Variants in CR1 observed in about 807,000 individuals in gnomAD.
CR1 encodes complement C3b/C4b receptor 1 (Knops blood group).
A neutral mutation model predicts 187.3 loss-of-function variants in CR1; 116 were observed. The observed-to-expected ratio is 0.62, with a 90% confidence interval of 0.53 to 0.72. CR1 has a LOEUF of 0.72. Ranked by LOEUF, CR1 falls within the 30% of genes least tolerant of loss-of-function variation. CR1 has a pLI of 0.00. For missense variants in CR1, 1,731 were observed against 2,110.7 expected, an observed-to-expected ratio of 0.82 and a Z score of 3.52; for synonymous variants, 576 against 747.1, an observed-to-expected ratio of 0.77 and a Z score of 3.73.
chr1:207,628,819 GTATC>G (rs1662560061), intron 45 of CR1, among the ~76,000 whole-genome samples: 1 of 152,026 alleles, frequency 6.6e-6, no homozygotes, highest in Non-Finnish European at 1.5e-5. Context: ...TATTGAACCA[GTATC>G]TTTCTAGAGA....
intron 29 of CR1, among the ~76,000 whole-genome samples, chr1:207,578,990 T>G (rs1471387251): frequency 6.6e-6 from 1 of 152,250 alleles, no homozygotes; most frequent in Non-Finnish European, 1.5e-5. Context: ...TCCTACATTT[T>G]ATCCCTAGGA....
intron 46 of CR1, among the ~76,000 whole-genome samples, chr1:207,638,727 A>G (rs1286414720): frequency 6.6e-6 from 1 of 152,176 alleles, no homozygotes; most frequent in Non-Finnish European, 1.5e-5. Context: ...AACCAATTGA[A>G]TTTCGCCATT....
In CR1 at chr1:207,496,293, C is replaced by A; in HGVS notation, c.26C>A (p.Pro9Gln). The A allele has an allele frequency of 1.9e-6, 3 of 1,613,768 alleles. No homozygotes were observed. The South Asian group carries it at 3.3e-5, about 18-fold the overall frequency. Residue 9 changes from proline to glutamine, a missense_variant, in exon 1 of 47, where the codon CCG becomes CAG. This residue lies in a region of CR1 where 237 missense variants were observed against 240.4 expected (regional missense o/e 0.99). Coordinates refer to ENST00000367049, the MANE Select transcript of CR1 (RefSeq NM_000651.6). MGASSPRS[P>Q]EPVGPPAPGL... ...ATGGGGGCCTCTTCTCCAAGAAGCC[C>A]GGAGCCTGTCGGGCCGCCGGCGCCC...
chr1:207,640,326 G>C lies in CR1; in HGVS notation c.*917G>C, dbSNP rs529973643. 1 of 152,118 alleles carries C rather than the reference G, an allele frequency of 6.6e-6. No individual in the cohort carries two copies. The highest frequency in any genetic ancestry group is 2.4e-5 in the African/African-American group (1 of 41,408). 9.4% of individuals were successfully genotyped at this position (152,118 alleles called of 1,614,324 possible). On this transcript the variant is annotated 3_prime_UTR_variant, in exon 47 of 47. Transcript: ENST00000367049. ...ATTTTTTTGTATTTTTAGTAGAGAC[G>C]GGGTTTCACCATGTTAGCCAGGATG...
intron 4 of CR1, among the ~76,000 whole-genome samples, chr1:207,515,891 T>C (rs1019450743): frequency 6.6e-6 from 1 of 152,144 alleles, no homozygotes; most frequent in African/African-American, 2.4e-5. Flanking sequence ...AGGAGTCTTC[T>C]TTTTTCCAGT....
At chr1:207,630,913 T>A (rs1662625948) in intron 46 of CR1, among the ~76,000 whole-genome samples, 1 of 152,222 alleles carries the variant, frequency 6.6e-6, no homozygotes, top group South Asian at 2.1e-4. Context: ...TGCTTTTTTC[T>A]TGTGGAACCC....
At chr1:207,617,610 TATAGAGAGAG>T (rs1336488892) in intron 41 of CR1, among the ~76,000 whole-genome samples, 25 of 9,328 alleles carry the variant, frequency 2.7e-3, no homozygotes, top group East Asian at 6.9e-3. Context: ...TATATATATA[TATAGAGAGAG>T]AGAGAGAGAG....
At chr1:207,637,478 G>A (rs1207432317) in intron 46 of CR1, among the ~76,000 whole-genome samples, 1 of 152,244 alleles carries the variant, frequency 6.6e-6, no homozygotes, top group Admixed American at 6.5e-5. Context: ...AATGATCTTT[G>A]ATAAGAAAAG....
intron 35 of CR1, among the ~76,000 whole-genome samples, chr1:207,605,692 C>T (rs186712416): frequency 1.2e-4 from 19 of 152,302 alleles, no homozygotes; most frequent in African/African-American, 4.3e-4. Flanking sequence ...AGGAGACAGG[C>T]AGAGGAAAAC....
chr1:207,632,627 T>TACAC (rs772489369), intron 46 of CR1, among the ~76,000 whole-genome samples: 10 of 150,370 alleles, frequency 6.7e-5, no homozygotes, highest in Admixed American at 2.0e-4. Flanking sequence ...CTCTACTAAA[T>TACAC]ACACACACAC....
In CR1 at chr1:207,577,921, A is replaced by G; in HGVS notation, c.4654A>G (p.Arg1552Gly). 1 of 1,612,616 alleles carries G rather than the reference A, an allele frequency of 6.2e-7. No homozygotes were observed. Among genetic ancestry groups the G allele is most frequent in the Non-Finnish European group, 8.5e-7 (1 of 1,179,762 alleles). The stretch of plus-strand genomic sequence containing the variant: ...CCGCTGCAATCTTGGAAGCAGAGGG[A>G]GAAAGGTGTTTGAGCTTGTGGGTGA... ...TYRCNLGSRG[R>G]KVFELVGEPS... The change falls in exon 29 of 47, where the codon AGA becomes GGA. Residue 1552 changes from arginine (R) to glycine (G), a missense_variant. Arg to Gly is a moderately radical substitution (Grantham distance 125, BLOSUM62 -2). Around this residue, in one of 5 missense-constraint regions of CR1, gnomAD observed 1,312 missense variants for 1,379.6 expected, o/e 0.95. Coordinates refer to ENST00000367049, the MANE Select transcript of CR1 (RefSeq NM_000651.6).
intron 32 of CR1, 67 bp from the exon 33 acceptor site, chr1:207,584,582 T>A: frequency 6.4e-7 from 1 of 1,551,400 alleles, no homozygotes; most frequent in Non-Finnish European, 8.8e-7. Flanking sequence ...GTATGACAAC[T>A]GTAGAATCAC....
chr1:207,616,709 A>G lies in CR1; in HGVS notation c.6796A>G (p.Ile2266Val), dbSNP rs1321472936. 2 of 1,613,920 alleles carry G rather than the reference A, an allele frequency of 1.2e-6. No homozygotes were observed. The highest frequency in any genetic ancestry group is 1.7e-6 in the Non-Finnish European group (2 of 1,179,870). The change falls in exon 41 of 47, where the codon ATT (isoleucine) becomes GTT (valine). Residue 2266 changes from isoleucine (I) to valine (V), a missense_variant. Physicochemically the swap from Ile to Val is conservative, Grantham distance 29 (BLOSUM62 3). This residue lies in a region of CR1 where 1,312 missense variants were observed against 1,379.6 expected (regional missense o/e 0.95). Transcript: ENST00000367049. ...HPDRGMTFNLIGESSIRCTSD... is the reference protein window; with the variant it reads ...HPDRGMTFNLVGESSIRCTSD... ...AGACAGAGGGATGACCTTCAACCTC[A>G]TTGGGGAGAGCTCCATCCGCTGCAC...
chr1:207,616,772 G>T lies in CR1; in HGVS notation c.6859G>T (p.Ala2287Ser), dbSNP rs367714079. 2.2e-5 allele frequency: 36 copies of T among 1,613,846 alleles called. No homozygotes were observed. The highest frequency in any genetic ancestry group is 3.1e-5 in the Non-Finnish European group (36 of 1,179,892). Residue 2287 changes from alanine (A) to serine (S), a missense_variant, in exon 41 of 47, where the codon GCC becomes TCC. By Grantham distance (99) the Ala-to-Ser change is moderately conservative (BLOSUM62 1). Coordinates refer to ENST00000367049, the MANE Select transcript of CR1 (RefSeq NM_000651.6). ...PQGNGVWSSP[A>S]PRCELSVPAA... ...AGGGAATGGGGTTTGGAGCAGCCCT[G>T]CCCCTCGCTGTGAACTTTCTGTTCC...
rs1464306151 is a variant in CR1 at position 207,623,083 on chromosome 1, A to G, written c.7352+15A>G. ...CACAGAAAAGGGTAAGTATAGCCAT[A>G]TTATCCCAAGAAATGTAAACTGTAC... is the stretch of plus-strand genomic sequence containing the variant. On this transcript the variant is annotated intron_variant, in intron 45 of 46. Transcript: ENST00000367049. 9 of 1,535,996 alleles carry G rather than the reference A, an allele frequency of 5.9e-6. No homozygotes were observed. In the South Asian group the frequency reaches 9.5e-5, roughly 16 times the overall value.
At chr1:207,619,641 T>C (rs984643639) in intron 42 of CR1, among the ~76,000 whole-genome samples, 2 of 152,206 alleles carry the variant, frequency 1.3e-5, no homozygotes, top group African/African-American at 2.4e-5. Context: ...GTTGCAGAGC[T>C]GTTAATCAAC....
chr1:207,577,464 A>G (rs981095959), intron 28 of CR1, among the ~76,000 whole-genome samples: 14 of 152,206 alleles, frequency 9.2e-5, no homozygotes, highest in African/African-American at 3.1e-4. Context: ...AAAATTTACA[A>G]TAAAGTATAA....
intron 2 of CR1, 89 bp downstream of exon 2, chr1:207,506,172 T>C (rs780335405): frequency 3.3e-5 from 49 of 1,475,706 alleles, no homozygotes; most frequent in Non-Finnish European, 4.5e-5. Flanking sequence ...CTGAGTTGCA[T>C]ATGACAATTA....
At chr1:207,511,779 A>G in intron 4 of CR1, 125 bp downstream of exon 4, 2 of 815,362 alleles carry the variant, frequency 2.5e-6, no homozygotes, top group Non-Finnish European at 3.8e-6. Flanking sequence ...GACTGCGGTA[A>G]TGTTCTCGAA....
Sources: gnomAD v4.1 joint callset for allele counts (sites outside exome capture counted in the v4.1 genomes callset) on GRCh38, gnomAD v4.1.1 for gene constraint, gnomAD v4.1.1 regional missense constraint, MANE v1.5 for transcripts, NCBI Gene and HGNC (gene_info 2026-07-23, HGNC 2026-07-21) for gene names.